HVCN1: variants seen among roughly 807,000 people sequenced by gnomAD.
The protein encoded by HVCN1 is voltage-gated hydrogen channel 1.
In HVCN1, 14 loss-of-function variants were observed where a neutral mutation model predicts 29.2. The ratio of observed to expected loss-of-function variants is 0.48; its 90% CI spans 0.32 to 0.75. The LOEUF is 0.75. HVCN1 is among the 30% of genes least tolerant of loss of function. The pLI is 0.04. For synonymous variants in HVCN1, 131 were observed against 133.2 expected (o/e 0.98, Z 0.11); for missense variants, 263 against 341.8 (o/e 0.77, Z 1.82).
At chr12:110,694,571 G>C (rs1368746745), upstream of HVCN1, among the ~76,000 whole-genome samples, 3 of 152,244 alleles carry the variant, frequency 2.0e-5, no homozygotes, top group Non-Finnish European at 4.4e-5. The surrounding 1 kb of genome is among the most constrained non-coding windows in gnomAD (Gnocchi z 4.6). Context: ...CAAAAGCCCT[G>C]TCCTGGCTCT....
At chr12:110,701,403 C>T (rs545767428) in intron 2 of HVCN1, among the ~76,000 whole-genome samples, 2 of 152,254 alleles carry the variant, frequency 1.3e-5, no homozygotes, top group South Asian at 4.1e-4. Context: ...TTCTTGGGCC[C>T]CAACTTCCAA....
intron 2 of HVCN1, 150 bp from the exon 3 acceptor site, chr12:110,683,414 G>C: frequency 1.2e-6 from 1 of 868,646 alleles, no homozygotes; most frequent in Non-Finnish European, 1.7e-6. Flanking sequence ...GTATATGTAG[G>C]AGGGCATACA....
In HVCN1 at chr12:110,688,608, A is replaced by T. The variant is rs1000422694; in HGVS notation, c.-20+17T>A. On this transcript the variant is annotated intron_variant, in intron 2 of 7. Coordinates refer to ENST00000242607, the MANE Select transcript of HVCN1 (RefSeq NM_032369.4). ...CGGGGCAGGGACGATGCATCCGAGG[A>T]CTTAGGGGACACAGACCTGGTTGTG... 1 of 152,288 alleles carries T rather than the reference A, an allele frequency of 6.6e-6. No homozygotes were observed. Among genetic ancestry groups the T allele is most frequent in the Non-Finnish European group, 1.5e-5 (1 of 68,166 alleles). The allele number at this position is 152,288 out of a possible 1,614,324, so 9.4% of individuals were successfully genotyped here. A position where few individuals can be genotyped will look rare whatever the true frequency, so the allele number is the denominator to read the frequency against.
intron 3 of HVCN1, among the ~76,000 whole-genome samples, chr12:110,680,024 T>G (rs918795707): frequency 1.3e-5 from 2 of 152,102 alleles, no homozygotes; most frequent in African/African-American, 4.8e-5. Context: ...TGTTTTCCTC[T>G]CAGAAACGAG....
At chr12:110,659,774 A>G (rs887583828) in intron 4 of HVCN1, among the ~76,000 whole-genome samples, 1 of 152,144 alleles carries the variant, frequency 6.6e-6, no homozygotes, top group East Asian at 1.9e-4. Context: ...GCCCTTCTAA[A>G]TGGCGGGACA....
intron 3 of HVCN1, among the ~76,000 whole-genome samples, chr12:110,680,278 TG>T (rs1204122226): frequency 2.0e-5 from 3 of 152,268 alleles, no homozygotes; most frequent in Middle Eastern, 3.4e-3. Context: ...TTCCAGGCCC[TG>T]GGAGTTCCCC....
At chr12:110,679,497 C>T (rs1430956299) in intron 3 of HVCN1, among the ~76,000 whole-genome samples, 6 of 152,190 alleles carry the variant, frequency 3.9e-5, no homozygotes, top group East Asian at 3.9e-4. Context: ...GTTTTCCGCA[C>T]GCAATCTTGT....
At chr12:110,682,447 C>A (rs1250656397) in intron 3 of HVCN1, among the ~76,000 whole-genome samples, 1 of 152,164 alleles carries the variant, frequency 6.6e-6, no homozygotes, top group Non-Finnish European at 1.5e-5. Flanking sequence ...GACTTGCCCA[C>A]CTTGGCCTCC....
chr12:110,672,828 C>T (rs533074106), intron 3 of HVCN1, among the ~76,000 whole-genome samples: 44 of 152,194 alleles, frequency 2.9e-4, no homozygotes, highest in African/African-American at 5.3e-4. Flanking sequence ...CTCTTGCTGC[C>T]GCCACATAAG....
intron 3 of HVCN1, among the ~76,000 whole-genome samples, chr12:110,678,160 C>T (rs1463107930): frequency 6.6e-6 from 1 of 152,214 alleles, no homozygotes; most frequent in Non-Finnish European, 1.5e-5. Context: ...TGCCCCAGGT[C>T]ACACAGCCAG....
At chr12:110,681,035 G>A (rs1566058378) in intron 3 of HVCN1, among the ~76,000 whole-genome samples, 2 of 152,208 alleles carry the variant, frequency 1.3e-5, no homozygotes, top group Non-Finnish European at 2.9e-5. Context: ...TTACCAAGGA[G>A]TCAAATGATC....
intron 2 of HVCN1, among the ~76,000 whole-genome samples, chr12:110,701,547 C>T (rs1332578368): frequency 6.6e-6 from 1 of 152,078 alleles, no homozygotes; most frequent in East Asian, 1.9e-4. Flanking sequence ...GAGCCTGCCA[C>T]CAACTTGGAT....
At chr12:110,701,043 C>A (rs1410914918) in intron 2 of HVCN1, among the ~76,000 whole-genome samples, 3 of 152,216 alleles carry the variant, frequency 2.0e-5, no homozygotes, top group Non-Finnish European at 4.4e-5. Context: ...GGAAGTTAGA[C>A]CAACACAGAG....
At chr12:110,666,355 G>A (rs2068354196) in intron 3 of HVCN1, among the ~76,000 whole-genome samples, 1 of 152,076 alleles carries the variant, frequency 6.6e-6, no homozygotes, top group African/African-American at 2.4e-5. Flanking sequence ...CCCAGGAGAT[G>A]GAGGTTGCAG....
intron 3 of HVCN1, among the ~76,000 whole-genome samples, chr12:110,665,580 T>C (rs1593471494): frequency 7.0e-6 from 1 of 142,800 alleles, no homozygotes; most frequent in African/African-American, 2.6e-5. Context: ...AGACTAAAAA[T>C]GTACAGAGAT....
intron 2 of HVCN1, among the ~76,000 whole-genome samples, chr12:110,695,961 T>C (rs1255395904): frequency 6.6e-6 from 1 of 151,256 alleles, no homozygotes; most frequent in Non-Finnish European, 1.5e-5. Context: ...GATTTTTTTT[T>C]TTTTTTTTGA....
At chr12:110,672,421 C>G (rs1225847275) in intron 3 of HVCN1, among the ~76,000 whole-genome samples, 3 of 152,176 alleles carry the variant, frequency 2.0e-5, no homozygotes, top group Non-Finnish European at 4.4e-5. Context: ...CATGGAAGAC[C>G]CACACCACAG....
chr12:110,682,650 TG>T (rs1362550414), intron 3 of HVCN1: 3 of 156,976 alleles, frequency 1.9e-5, no homozygotes, highest in Non-Finnish European at 4.2e-5. Flanking sequence ...AGGGCAGGGG[TG>T]GTAAATAATC....
intron 2 of HVCN1, among the ~76,000 whole-genome samples, chr12:110,695,745 A>T (rs1050189385): frequency 1.8e-4 from 28 of 152,308 alleles, no homozygotes; most frequent in African/African-American, 6.7e-4. Flanking sequence ...TTTTCAGAAG[A>T]GAGAACAGCA....
Sources: gnomAD v4.1 joint callset for allele counts (sites outside exome capture counted in the v4.1 genomes callset) on GRCh38, gnomAD v4.1.1 for gene constraint, Gnocchi (gnomAD v3.1) non-coding constraint, MANE v1.5 for transcripts, NCBI Gene and HGNC (gene_info 2026-07-23, HGNC 2026-07-21) for gene names.